Variants in BMERB1 observed in about 807,000 individuals in gnomAD.
BMERB1 encodes bMERB domain containing 1, also known as bMERB domain-containing protein 1.
Under a neutral mutation model 23.6 loss-of-function variants are expected in BMERB1, and 12 were observed. That is an observed-to-expected ratio of 0.51 (90% CI 0.33 to 0.82). BMERB1 has a LOEUF of 0.82. Among genes scored for constraint, BMERB1 ranks in the 40% least tolerant of loss-of-function variants. The pLI is 0.03. For synonymous variants in BMERB1, 122 were observed against 96.6 expected (o/e 1.26, Z -1.54); for missense variants, 247 against 255.4 (o/e 0.97, Z 0.22).
At chr16:15,504,442 T>TA (rs1308363958) in intron 1 of BMERB1, among the ~76,000 whole-genome samples, 1 of 151,570 alleles carries the variant, frequency 6.6e-6, no homozygotes, top group African/African-American at 2.4e-5. Context: ...CAACTCTTCT[T>TA]AAATTTTTTT....
chr16:15,504,244 G>T (rs376903846), intron 1 of BMERB1, among the ~76,000 whole-genome samples: 2 of 152,082 alleles, frequency 1.3e-5, no homozygotes, highest in African/African-American at 2.4e-5. Context: ...GCCTGCACAC[G>T]CCAACCCCTT....
rs966329473 is a variant in BMERB1, at chr16:15,463,778, G to A, written c.106+29019G>A. On this transcript the variant is annotated intron_variant, in intron 1 of 5. Transcript: ENST00000300006. Reference sequence around the variant, plus strand: ...TGCTGCTGTTGACACAACTGCCTTAGCTGTGAGGCTGTGCCATCCATTGGA... The same window carrying A: ...TGCTGCTGTTGACACAACTGCCTTAACTGTGAGGCTGTGCCATCCATTGGA... 2.6e-5 allele frequency among the ~76,000 whole-genome samples: 4 copies of A among 151,794 alleles called. No individual in the cohort carries two copies. The East Asian group carries it at 5.8e-4, about 22-fold the overall frequency.
intron 1 of BMERB1, among the ~76,000 whole-genome samples, chr16:15,498,238 A>T (rs1011673040): frequency 1.3e-5 from 2 of 152,022 alleles, no homozygotes; most frequent in East Asian, 3.9e-4. Flanking sequence ...GAGCACAATA[A>T]AAAAACTCTG....
At chr16:15,569,270 T>G (rs1244450433) in intron 3 of BMERB1, among the ~76,000 whole-genome samples, 1 of 152,046 alleles carries the variant, frequency 6.6e-6, no homozygotes, top group African/African-American at 2.4e-5. Flanking sequence ...TTTAATTGGC[T>G]CACAGTCCTG....
intron 1 of BMERB1, among the ~76,000 whole-genome samples, chr16:15,490,223 T>G (rs2051408257): frequency 1.3e-5 from 2 of 152,082 alleles, no homozygotes; most frequent in African/African-American, 4.8e-5. Context: ...CAGCTTCTGG[T>G]TACTGGTGCC....
chr16:15,491,682 G>A (rs914733714), intron 1 of BMERB1, among the ~76,000 whole-genome samples: 6 of 152,054 alleles, frequency 3.9e-5, no homozygotes, highest in Non-Finnish European at 7.4e-5. Context: ...ATCTCACTGT[G>A]TTGTCACCTC....
At chr16:15,548,594 C>T (rs2029992474) in intron 2 of BMERB1, among the ~76,000 whole-genome samples, 1 of 152,154 alleles carries the variant, frequency 6.6e-6, no homozygotes, top group Non-Finnish European at 1.5e-5. Context: ...CCCCTGCTTC[C>T]AGCCAGTTAA....
In BMERB1 at chr16:15,541,853, C is replaced by T. The variant is rs572174074; in HGVS notation, c.231-26130C>T. Reference sequence around the variant, plus strand: ...TCCTGACCTCATGATCCGCCCGCCTCGGCCTCCCAAAGTGCTGGGATTACA... The same window carrying T: ...TCCTGACCTCATGATCCGCCCGCCTTGGCCTCCCAAAGTGCTGGGATTACA... On this transcript the variant is annotated intron_variant, in intron 2 of 5. Coordinates refer to ENST00000300006, the MANE Select transcript of BMERB1 (RefSeq NM_033201.3). Among the ~76,000 whole-genome samples the T allele has an allele frequency of 3.3e-5, 5 of 151,346 alleles. No individual in the cohort carries two copies. In the South Asian group the frequency reaches 6.3e-4, roughly 19 times the overall value.
rs1233705194 is a variant in BMERB1, at chr16:15,477,822, G to A, written c.107-37483G>A. 3.3e-5 allele frequency among the ~76,000 whole-genome samples: 5 copies of A among 151,958 alleles called. 1 individual carries two copies. Among genetic ancestry groups the A allele is most frequent in the African/African-American group, 1.2e-4 (5 of 41,454 alleles). On this transcript the variant is annotated intron_variant, in intron 1 of 5. Coordinates refer to ENST00000300006, the MANE Select transcript of BMERB1 (RefSeq NM_033201.3). ...AATAAGAAAACTCAGGCTGCTCACTGCCACGAGTGCCCAAAGTCCCAGGAT... is the reference window on the plus strand; with the variant it reads ...AATAAGAAAACTCAGGCTGCTCACTACCACGAGTGCCCAAAGTCCCAGGAT...
At chr16:15,517,919 G>A (rs936193095) in intron 2 of BMERB1, among the ~76,000 whole-genome samples, 1 of 148,506 alleles carries the variant, frequency 6.7e-6, no homozygotes, top group African/African-American at 2.5e-5. Flanking sequence ...GTATGTGTGT[G>A]TGAGGATGTG....
chr16:15,543,395 T>C (rs1175699204), intron 2 of BMERB1, among the ~76,000 whole-genome samples: 1 of 152,082 alleles, frequency 6.6e-6, no homozygotes, highest in African/African-American at 2.4e-5. Context: ...CTGTTCTCAT[T>C]TAGGGCTGCA....
At chr16:15,472,161 G>T (rs1258846888) in intron 1 of BMERB1, among the ~76,000 whole-genome samples, 2 of 152,152 alleles carry the variant, frequency 1.3e-5, no homozygotes, top group Non-Finnish European at 2.9e-5. Context: ...GTTGGGGATT[G>T]TTTTTTGGCC....
chr16:15,537,040 G>T (rs1465541677), intron 2 of BMERB1: 2 of 152,202 alleles, frequency 1.3e-5, no homozygotes, highest in Non-Finnish European at 2.9e-5. Context: ...ATAATGAAAT[G>T]TGTGTTTGTG....
intron 1 of BMERB1, among the ~76,000 whole-genome samples, chr16:15,444,866 A>T (rs2150922005): frequency 6.6e-6 from 1 of 152,256 alleles, no homozygotes; most frequent in Non-Finnish European, 1.5e-5. Flanking sequence ...CTCAATAATA[A>T]CCATGAGGAA....
intron 1 of BMERB1, among the ~76,000 whole-genome samples, chr16:15,476,630 G>T (rs778723139): frequency 6.6e-6 from 1 of 152,212 alleles, no homozygotes; most frequent in Non-Finnish European, 1.5e-5. Flanking sequence ...GGCTCTGCCG[G>T]GCTCTGCCAA....
intron 2 of BMERB1, among the ~76,000 whole-genome samples, chr16:15,562,094 G>T (rs1172692306): frequency 6.6e-6 from 1 of 151,746 alleles, no homozygotes; most frequent in African/African-American, 2.4e-5. Flanking sequence ...GATCACCTGA[G>T]ATCAGGTGTT....
At chr16:15,566,521 C>G (rs1412844597) in intron 2 of BMERB1, among the ~76,000 whole-genome samples, 1 of 152,162 alleles carries the variant, frequency 6.6e-6, no homozygotes, top group African/African-American at 2.4e-5. Flanking sequence ...CAGCTGAGTG[C>G]AGTGGCTCAC....
intron 1 of BMERB1, among the ~76,000 whole-genome samples, chr16:15,454,252 G>A (rs1359824536): frequency 3.3e-5 from 5 of 152,232 alleles, no homozygotes; most frequent in Non-Finnish European, 5.9e-5. Flanking sequence ...ACAGTCACGA[G>A]AATAGGATGT....
intron 2 of BMERB1, among the ~76,000 whole-genome samples, chr16:15,516,425 G>C (rs1164805188): frequency 1.3e-5 from 2 of 151,858 alleles, no homozygotes; most frequent in Non-Finnish European, 1.5e-5. Context: ...GTCGCTAAAA[G>C]AAAAAAATTA....
Sources: allele counts gnomAD v4.1 joint callset (sites outside exome capture counted in the v4.1 genomes callset), GRCh38; gene constraint gnomAD v4.1.1; transcripts MANE v1.5; gene names NCBI Gene and HGNC (gene_info 2026-07-23, HGNC 2026-07-21).